AGAP4: variants seen among roughly 807,000 people sequenced by gnomAD.
The protein encoded by AGAP4 is arf-GAP with GTPase, ANK repeat and PH domain-containing protein 4.
AGAP4 carries 13 observed loss-of-function variants against 60.7 expected under a neutral mutation model. The observed-to-expected ratio is 0.21, with a 90% CI of 0.14 to 0.34. The LOEUF is 0.34. AGAP4 is among the 10% of genes least tolerant of loss of function. The probability of loss-of-function intolerance (pLI) is 1.00; values close to 1 mark genes in which losing one functional copy is unlikely to be tolerated. For synonymous variants in AGAP4, 70 were observed against 339.0 expected, an observed-to-expected ratio of 0.21 and a Z score of 8.72; for missense variants, 169 against 884.0, an observed-to-expected ratio of 0.19 and a Z score of 10.26.
At chr10:45,852,482 G>A (rs1214157507), upstream of AGAP4, among the ~76,000 whole-genome samples, 5 of 149,920 alleles carry the variant, frequency 3.3e-5, no homozygotes, top group Non-Finnish European at 1.5e-5. Flanking sequence ...AGGTTTAGAG[G>A]AAGAGGAAAA....
upstream of AGAP4, among the ~76,000 whole-genome samples, chr10:45,849,671 T>C (rs1305218307): frequency 9.3e-5 from 14 of 150,012 alleles, no homozygotes; most frequent in African/African-American, 3.2e-4. Flanking sequence ...ACGGAGTTTC[T>C]CTCTTGTTGC....
At chr10:45,849,482 T>TATG (rs1220619105), upstream of AGAP4, among the ~76,000 whole-genome samples, 137 of 148,880 alleles carry the variant, frequency 9.2e-4, no homozygotes, top group African/African-American at 3.4e-3. Flanking sequence ...TGATTATTAT[T>TATG]ATTATTATTA....
Position 45,847,137 on chromosome 10 carries a change from C to G in AGAP4, c.211G>C (p.Glu71Gln). The change falls in exon 1 of 8, where the codon GAG (glutamate) becomes CAG (glutamine). Residue 71 changes from glutamate (E) to glutamine (Q), a missense_variant. Physicochemically the swap from Glu to Gln is conservative, Grantham distance 29. Coordinates refer to ENST00000616763, the MANE Select transcript of AGAP4 (RefSeq NM_001276343.3). ...ATCACCTCCTCACCTTCAGGCATCT[C>G]CCGGTCACGAACGTGGTGCATGTGG... ...DLHMHHVRDR[E>Q]MPEALEFNLS... 2 of 1,578,948 alleles carry G rather than the reference C, an allele frequency of 1.3e-6. No individual in the cohort carries two copies. The highest frequency in any genetic ancestry group is 4.5e-5 in the East Asian group (2 of 44,608).
At chr10:45,847,523 C>T (rs1375988806), upstream of AGAP4, 42 of 1,505,502 alleles carry the variant, frequency 2.8e-5, no homozygotes, top group Non-Finnish European at 3.2e-5. Context: ...CTGGCCCCGG[C>T]CCCGGCTAGG....
At chr10:45,837,869 T>G (rs2058848446) in intron 4 of AGAP4, among the ~76,000 whole-genome samples, 2 of 149,872 alleles carry the variant, frequency 1.3e-5, no homozygotes, top group African/African-American at 4.9e-5. Context: ...AGGTGAGACT[T>G]AACTAAAGAG....
intron 2 of AGAP4, among the ~76,000 whole-genome samples, chr10:45,846,263 G>A (rs868989545): frequency 0.016 from 2,473 of 151,034 alleles, 37 homozygotes; most frequent in Non-Finnish European, 0.021. Context: ...CTGCAGCCCC[G>A]GCTGTGACAT....
upstream of AGAP4, among the ~76,000 whole-genome samples, chr10:45,849,461 G>T (rs1699400074): frequency 7.6e-6 from 1 of 131,954 alleles, no homozygotes; most frequent in Admixed American, 8.6e-5. Flanking sequence ...CATTGTAGAT[G>T]ATGATGATGA....
At chr10:45,854,088 G>C, upstream of AGAP4, 1 of 311,190 alleles carries the variant, frequency 3.2e-6, no homozygotes, top group Admixed American at 5.1e-5. Context: ...CTGAAAGCAG[G>C]TAACTCTATT....
chr10:45,838,773 G>A (rs2058868225), intron 4 of AGAP4, among the ~76,000 whole-genome samples: 2 of 151,652 alleles, frequency 1.3e-5, no homozygotes, highest in South Asian at 2.1e-4. Flanking sequence ...ATGAGGACTT[G>A]CGATGTTGAC....
chr10:45,852,232 A>ACAAACAACC (rs1432181668), upstream of AGAP4, among the ~76,000 whole-genome samples: 2 of 143,776 alleles, frequency 1.4e-5, no homozygotes, highest in African/African-American at 5.1e-5. Context: ...AAAAAAAAAA[A>ACAAACAACC]AAAAAAAAAA....
At chr10:45,839,551 T>C (rs1420419161) in intron 4 of AGAP4, among the ~76,000 whole-genome samples, 1 of 129,406 alleles carries the variant, frequency 7.7e-6, no homozygotes, top group Non-Finnish European at 1.7e-5. Context: ...GCTTTTCCTT[T>C]CCAGGCCTGC....
chr10:45,837,877 G>T (rs2058848559), intron 4 of AGAP4, among the ~76,000 whole-genome samples: 1 of 149,984 alleles, frequency 6.7e-6, no homozygotes, highest in Non-Finnish European at 1.5e-5. Flanking sequence ...CTTAACTAAA[G>T]AGCTTCTGCA....
intron 6 of AGAP4, among the ~76,000 whole-genome samples, chr10:45,828,631 G>A (rs1486675896): frequency 2.1e-5 from 3 of 145,660 alleles, no homozygotes; most frequent in African/African-American, 7.5e-5. Context: ...GTGCTCTGTG[G>A]ACCTCTCGGG....
upstream of AGAP4, chr10:45,847,923 T>A (rs2059026559): frequency 9.6e-7 from 1 of 1,046,118 alleles, no homozygotes; most frequent in African/African-American, 1.7e-5. Flanking sequence ...ACTAAGGTTT[T>A]CATTCATCAC....
chr10:45,827,790 A>T (rs1214808172), intron 7 of AGAP4, among the ~76,000 whole-genome samples: 3 of 74,128 alleles, frequency 4.0e-5, no homozygotes, highest in African/African-American at 1.4e-4. Flanking sequence ...CATAAAAAAA[A>T]AAAAAAAAAA....
In AGAP4 at chr10:45,844,188, C is replaced by G. The variant is rs1467814187; in HGVS notation, c.361+138G>C. 7 of 702,142 alleles carry G rather than the reference C, an allele frequency of 1.0e-5. No individual in the cohort carries two copies. In the East Asian group the frequency reaches 1.9e-4, roughly 19 times the overall value. 43.5% of individuals were successfully genotyped at this position (702,142 alleles called of 1,614,324 possible). ...ATAACAACTAAAGGAAAGTATATCA[C>G]ATATTAAAATAAGACAAGGGAACAT... On this transcript the variant is annotated intron_variant, in intron 3 of 7. Transcript: ENST00000616763.
intron 3 of AGAP4, among the ~76,000 whole-genome samples, chr10:45,843,831 G>A (rs1478181386): frequency 1.3e-4 from 19 of 149,326 alleles, no homozygotes; most frequent in South Asian, 8.5e-4. Flanking sequence ...TTTGAGTAGC[G>A]TAAACTTGGA....
At chr10:45,850,995 T>TA (rs1554900289), upstream of AGAP4, among the ~76,000 whole-genome samples, 2 of 152,066 alleles carry the variant, frequency 1.3e-5, no homozygotes, top group Admixed American at 1.3e-4. Flanking sequence ...ATTTACATGC[T>TA]AAAAAATCAC....
At chr10:45,841,844 A>G (rs2058924400) in intron 3 of AGAP4, among the ~76,000 whole-genome samples, 157 bp from the exon 4 acceptor site, 1 of 151,912 alleles carries the variant, frequency 6.6e-6, no homozygotes, top group South Asian at 2.1e-4. Flanking sequence ...ATCTGGCATG[A>G]TTAATTTCAT....
Sources: allele counts gnomAD v4.1 joint callset (sites outside exome capture counted in the v4.1 genomes callset), GRCh38; gene constraint gnomAD v4.1.1; transcripts MANE v1.5; gene names NCBI Gene and HGNC (gene_info 2026-07-23, HGNC 2026-07-21).